Variants in KDM5A observed in about 807,000 individuals in gnomAD.
The protein encoded by KDM5A is lysine-specific demethylase 5A.
In KDM5A, 42 loss-of-function variants were observed where a neutral mutation model predicts 193.5. The observed-to-expected ratio is 0.22, with a 90% CI of 0.17 to 0.28. The LOEUF (loss-of-function observed/expected upper bound fraction) is 0.28. Ranked by LOEUF, KDM5A falls within the 10% of genes least tolerant of loss-of-function variation. The pLI is 1.00. For missense variants in KDM5A, 1,692 were observed against 2,055.1 expected (o/e 0.82, Z 3.42); for synonymous variants, 796 against 718.1 (o/e 1.11, Z -1.73).
rs2137403668 is a variant in KDM5A at position 318,244 on chromosome 12, T to C, written c.2759A>G (p.Asp920Gly). The C allele has an allele frequency of 6.2e-7, 1 of 1,614,180 alleles. No individual in the cohort carries two copies. Among genetic ancestry groups the C allele is most frequent in the East Asian group, 2.2e-5 (1 of 44,874 alleles). ...TLSDPQQVTLDVMKKLIDSGV... is the reference protein window; with the variant it reads ...TLSDPQQVTLGVMKKLIDSGV... ...AGAGTCTATCAGCTTCTTCATGACA[T>C]CCAAAGTGACTTGTTGCGGATCTGA... is the stretch of plus-strand genomic sequence containing the variant. Residue 920 changes from aspartate to glycine, a missense_variant, in exon 19 of 28, where the codon GAT becomes GGT. By Grantham distance (94) the Asp-to-Gly change is moderately conservative. Coordinates refer to ENST00000399788, the MANE Select transcript of KDM5A (RefSeq NM_001042603.3).
At chr12:295,063 A>G (rs1943351738) in intron 26 of KDM5A, among the ~76,000 whole-genome samples, 1 of 152,120 alleles carries the variant, frequency 6.6e-6, no homozygotes, top group South Asian at 2.1e-4. Flanking sequence ...CCTATCTCTG[A>G]GCCCTCCAAT....
intron 26 of KDM5A, among the ~76,000 whole-genome samples, chr12:294,834 G>C (rs1943349134): frequency 6.6e-6 from 1 of 152,184 alleles, no homozygotes. Context: ...TTCATATGCA[G>C]AATGGGTAAA....
chr12:364,701 C>T (rs1356009470), intron 4 of KDM5A, among the ~76,000 whole-genome samples: 3 of 147,628 alleles, frequency 2.0e-5, no homozygotes, highest in African/African-American at 5.0e-5. Context: ...AGGAGAATGG[C>T]GTGAGCCCAG....
At chr12:358,489 A>T (rs1383403988) in intron 5 of KDM5A, among the ~76,000 whole-genome samples, 1 of 152,252 alleles carries the variant, frequency 6.6e-6, no homozygotes, top group Non-Finnish European at 1.5e-5. Context: ...ATATAACAAT[A>T]AAGCTGATAT....
chr12:311,961 G>A (rs1384440900), intron 20 of KDM5A, among the ~76,000 whole-genome samples: 1 of 152,148 alleles, frequency 6.6e-6, no homozygotes, highest in African/African-American at 2.4e-5. Context: ...TTGAACCCAG[G>A]AGGCAGAGGT....
intron 8 of KDM5A, among the ~76,000 whole-genome samples, chr12:353,540 T>G (rs1207268895): frequency 6.6e-6 from 1 of 152,142 alleles, no homozygotes; most frequent in Non-Finnish European, 1.5e-5. Flanking sequence ...ATAAACAGAA[T>G]GACCTAACCA....
At chr12:300,404 G>T (rs1346578779) in intron 24 of KDM5A, among the ~76,000 whole-genome samples, 1 of 152,192 alleles carries the variant, frequency 6.6e-6, no homozygotes, top group Admixed American at 6.5e-5. Flanking sequence ...CAACTACACG[G>T]AAACTTAACA....
intron 3 of KDM5A, 56 bp downstream of exon 3, chr12:383,975 G>A: frequency 6.4e-7 from 1 of 1,562,550 alleles, no homozygotes; most frequent in Non-Finnish European, 8.8e-7. Context: ...AAATCTATTT[G>A]ATATTCCTAA....
chr12:305,820 T>C (rs1266733493), intron 24 of KDM5A, among the ~76,000 whole-genome samples: 1 of 152,190 alleles, frequency 6.6e-6, no homozygotes, highest in East Asian at 1.9e-4. Context: ...AATAATCACA[T>C]TGATGGTAAA....
At chr12:335,612 T>TA (rs1269956639) in intron 10 of KDM5A, among the ~76,000 whole-genome samples, 2 of 151,900 alleles carry the variant, frequency 1.3e-5, no homozygotes, top group Non-Finnish European at 2.9e-5. Flanking sequence ...AAGTTAAAAA[T>TA]AAAAAACCCT....
At chr12:378,565 C>A (rs1944537158) in intron 3 of KDM5A, among the ~76,000 whole-genome samples, 1 of 152,144 alleles carries the variant, frequency 6.6e-6, no homozygotes, top group Admixed American at 6.5e-5. Flanking sequence ...TATACCCAGC[C>A]AAAGCCTTGT....
At position 322,448 on chromosome 12, in the gene KDM5A, G is replaced by C. The variant is rs1943729793; in HGVS notation, c.2395C>G (p.Gln799Glu). The C allele has an allele frequency of 6.2e-7, 1 of 1,613,190 alleles. No homozygotes were observed. Among genetic ancestry groups the C allele is most frequent in the Non-Finnish European group, 8.5e-7 (1 of 1,179,974 alleles). ...TTCTGCTTTTTGCTCAGAAGCAGCT[G>C]AGCCACAGAAGCACAGGTCTCAGCT... ...KEAETCASVAQLLLSKKQKHR... is the reference protein window; with the variant it reads ...KEAETCASVAELLLSKKQKHR... The change falls in exon 17 of 28, where the codon CAG becomes GAG. Residue 799 changes from glutamine (Q) to glutamate (E), a missense_variant. Around this residue, in one of 11 missense-constraint regions of KDM5A, gnomAD observed 965 missense variants for 1,061.0 expected, o/e 0.91. Transcript: ENST00000399788.
At chr12:387,046 T>G (rs1591945648) in intron 1 of KDM5A, among the ~76,000 whole-genome samples, 1 of 152,224 alleles carries the variant, frequency 6.6e-6, no homozygotes, top group Admixed American at 6.5e-5. Context: ...CACAAATGTT[T>G]TGTTCAAAGC....
chr12:370,614 T>C (rs1016086360), intron 3 of KDM5A, among the ~76,000 whole-genome samples: 8 of 151,860 alleles, frequency 5.3e-5, no homozygotes, highest in South Asian at 2.1e-4. Context: ...ACAGAGACTT[T>C]TTTTTTTTTT....
In KDM5A at chr12:322,502, A is replaced by C; in HGVS notation, c.2341T>G (p.Phe781Val). 4 of 1,613,576 alleles carry C rather than the reference A, an allele frequency of 2.5e-6. No homozygotes were observed. In the South Asian group the frequency reaches 4.4e-5, roughly 18 times the overall value. Residue 781 changes from phenylalanine (F) to valine (V), a missense_variant, in exon 17 of 28, where the codon TTT becomes GTT. Around this residue, in one of 11 missense-constraint regions of KDM5A, gnomAD observed 965 missense variants for 1,061.0 expected, o/e 0.91. Coordinates refer to ENST00000399788, the MANE Select transcript of KDM5A (RefSeq NM_001042603.3). Reference protein sequence around the residue: ...EDRKYPENDLFRKLRDAVKEA... With the variant: ...EDRKYPENDLVRKLRDAVKEA... ...TTTACAGCATCCCTGAGTTTTCGAA[A>C]GAGATCATTCTCTGGGTATTTCCTA...
rs573927152 is a variant in KDM5A, at chr12:334,249, G to A, written c.1482C>T (p.Tyr494=). The part of the protein sequence containing the change: ...IEDHWSYSIN[Y]LHWGEPKTWY... ...TTTTAGACTGTACATACCAGTGCAA[G>A]TAGTTGATGGAATAACTCCAGTGAT... is the stretch of plus-strand genomic sequence containing the variant. Residue 494 remains tyrosine (Y), a synonymous_variant, in exon 11 of 28, where the codon TAC becomes TAT. Coordinates refer to ENST00000399788, the MANE Select transcript of KDM5A (RefSeq NM_001042603.3). 72 of 1,613,932 alleles carry A rather than the reference G, an allele frequency of 4.5e-5. No individual in the cohort carries two copies. The South Asian group carries it at 7.1e-4, about 16-fold the overall frequency.
At chr12:336,357 C>CT (rs1491483201) in intron 10 of KDM5A, among the ~76,000 whole-genome samples, 4 of 91,634 alleles carry the variant, frequency 4.4e-5, no homozygotes, top group Non-Finnish European at 8.0e-5. Context: ...CCCTGTCTCA[C>CT]TAAAAAAAAA....
At chr12:382,230 G>A (rs1049332407) in intron 3 of KDM5A, among the ~76,000 whole-genome samples, 9 of 151,824 alleles carry the variant, frequency 5.9e-5, no homozygotes, top group East Asian at 5.9e-4. Context: ...TCAGGAGTTC[G>A]AGTCCAGCCT....
chr12:293,011 T>A lies in KDM5A; in HGVS notation c.4614A>T (p.Leu1538Phe), dbSNP rs1160594954. The A allele has an allele frequency of 6.3e-7, 1 of 1,590,814 alleles. No individual in the cohort carries two copies. Among genetic ancestry groups the A allele is most frequent in the Non-Finnish European group, 8.5e-7 (1 of 1,174,294 alleles). The change falls in exon 27 of 28, where the codon TTA becomes TTT. Residue 1538 changes from leucine (L) to phenylalanine (F), a missense_variant. By Grantham distance (22) the Leu-to-Phe change is conservative. Transcript: ENST00000399788. ...CCTTTGATTTGTCTGCACCTAATTT[T>A]AATTTCTTCTTTCTAGGTTTGTCCA... ...KKMDKPRKKK[L>F]KLGADKSKEL...
Sources: gnomAD v4.1 joint callset for allele counts (sites outside exome capture counted in the v4.1 genomes callset) on GRCh38, gnomAD v4.1.1 for gene constraint, gnomAD v4.1.1 regional missense constraint, MANE v1.5 for transcripts, NCBI Gene and HGNC (gene_info 2026-07-23, HGNC 2026-07-21) for gene names.